Variants in WWTR1 observed in about 807,000 individuals in gnomAD.
WWTR1 encodes the protein WW domain containing transcription regulator 1, also known as WW domain-containing transcription regulator protein 1.
A neutral mutation model predicts 40.1 loss-of-function variants in WWTR1; 13 were observed. That is an observed-to-expected ratio of 0.32 (90% CI 0.21 to 0.52). The LOEUF (loss-of-function observed/expected upper bound fraction) is 0.52, where lower values mean the gene tolerates loss of function less well. Among genes scored for constraint, WWTR1 ranks in the 20% least tolerant of loss-of-function variants. The pLI is 0.97. For missense variants in WWTR1, 436 were observed against 523.1 expected (o/e 0.83, Z 1.63); for synonymous variants, 230 against 210.1 (o/e 1.09, Z -0.82).
intron 4 of WWTR1, among the ~76,000 whole-genome samples, chr3:149,536,812 T>C (rs1002022267): frequency 8.6e-5 from 13 of 151,342 alleles, no homozygotes; most frequent in African/African-American, 2.4e-4. Context: ...CTGAATTTGC[T>C]TTGGGAATAA....
intron 1 of WWTR1, among the ~76,000 whole-genome samples, chr3:149,695,087 T>C (rs926487689): frequency 5.3e-5 from 8 of 152,170 alleles, no homozygotes; most frequent in African/African-American, 1.9e-4. Context: ...TTCTCAATCA[T>C]TTGTGAAAGG....
At chr3:149,687,603 T>C (rs1056495861) in intron 1 of WWTR1, among the ~76,000 whole-genome samples, 50 of 152,246 alleles carry the variant, frequency 3.3e-4, no homozygotes, top group African/African-American at 1.2e-3. Context: ...TTGCAGATGA[T>C]GATATTGAGT....
At chr3:149,704,861 AC>A (rs1449782430), upstream of WWTR1, among the ~76,000 whole-genome samples, 20 of 151,278 alleles carry the variant, frequency 1.3e-4, no homozygotes, top group East Asian at 5.8e-4. Context: ...AAAAAAAAAA[AC>A]AACAACAACA....
chr3:149,521,908 TAG>T (rs1290960364), intron 6 of WWTR1, among the ~76,000 whole-genome samples: 1 of 152,184 alleles, frequency 6.6e-6, no homozygotes, highest in African/African-American at 2.4e-5. Flanking sequence ...TTACAAAAGT[TAG>T]AGTAAAGTGC....
intron 4 of WWTR1, among the ~76,000 whole-genome samples, chr3:149,531,585 C>T (rs1735583500): frequency 6.6e-6 from 1 of 152,048 alleles, no homozygotes; most frequent in African/African-American, 2.4e-5. Context: ...ACTGTTCTAT[C>T]TGCTTGCAAG....
intron 4 of WWTR1, among the ~76,000 whole-genome samples, chr3:149,531,832 T>C (rs1033027244): frequency 2.0e-5 from 3 of 152,224 alleles, no homozygotes; most frequent in Non-Finnish European, 4.4e-5. Flanking sequence ...TGTTCACTCC[T>C]GTACCCAACT....
At chr3:149,573,949 T>C (rs998355972) in intron 2 of WWTR1, among the ~76,000 whole-genome samples, 1 of 151,784 alleles carries the variant, frequency 6.6e-6, no homozygotes, top group Admixed American at 6.6e-5. Flanking sequence ...GTGATATATA[T>C]ATATATATGA....
intron 2 of WWTR1, among the ~76,000 whole-genome samples, chr3:149,620,975 G>T (rs1369836961): frequency 6.6e-6 from 1 of 152,182 alleles, no homozygotes; most frequent in Non-Finnish European, 1.5e-5. Flanking sequence ...CATCATAAAA[G>T]AATCCATGTC....
intron 2 of WWTR1, among the ~76,000 whole-genome samples, chr3:149,582,643 T>C (rs1738207665): frequency 6.6e-6 from 1 of 151,884 alleles, no homozygotes; most frequent in Admixed American, 6.6e-5. Flanking sequence ...AAGCGGAAGA[T>C]TACTTCAGCC....
At chr3:149,635,958 T>C (rs971967192) in intron 2 of WWTR1, among the ~76,000 whole-genome samples, 1 of 152,232 alleles carries the variant, frequency 6.6e-6, no homozygotes, top group Non-Finnish European at 1.5e-5. Context: ...CCCACTTTTC[T>C]GAGATCTGAA....
intron 1 of WWTR1, among the ~76,000 whole-genome samples, chr3:149,688,837 C>A (rs182083195): frequency 1.3e-5 from 2 of 152,054 alleles, no homozygotes; most frequent in East Asian, 1.9e-4. Flanking sequence ...CCGAGACATG[C>A]GACCTTTTAG....
At chr3:149,528,639 A>C (rs557293885) in intron 4 of WWTR1, among the ~76,000 whole-genome samples, 6 of 152,068 alleles carry the variant, frequency 3.9e-5, no homozygotes, top group South Asian at 2.1e-4. Context: ...AAAATACAAA[A>C]ATTAGTTGGG....
chr3:149,711,955 C>T (rs1715487136), intron 5 of WWTR1, among the ~76,000 whole-genome samples: 1 of 152,124 alleles, frequency 6.6e-6, no homozygotes, highest in African/African-American at 2.4e-5. Flanking sequence ...AGTTATCTGC[C>T]TTCCCAACCA....
chr3:149,619,206 C>T (rs16862050), intron 2 of WWTR1, among the ~76,000 whole-genome samples: 4,108 of 152,184 alleles, frequency 0.027, 154 homozygotes, highest in African/African-American at 0.094. Context: ...CTCCTGAAGG[C>T]AATCCTATGA....
intron 1 of WWTR1, among the ~76,000 whole-genome samples, chr3:149,695,525 C>T (rs570742642): frequency 6.6e-6 from 1 of 152,010 alleles, no homozygotes; most frequent in South Asian, 2.1e-4. Context: ...CTTTGGGAGG[C>T]CAAGGCAGGC....
chr3:149,547,514 G>A (rs929305180), intron 3 of WWTR1, among the ~76,000 whole-genome samples: 1 of 151,732 alleles, frequency 6.6e-6, no homozygotes, highest in Non-Finnish European at 1.5e-5. Flanking sequence ...CAACAAGAGC[G>A]AAACTCCAGC....
chr3:149,529,331 T>C (rs1735465718), intron 4 of WWTR1, among the ~76,000 whole-genome samples: 2 of 152,164 alleles, frequency 1.3e-5, no homozygotes, highest in Non-Finnish European at 2.9e-5. Context: ...TCTAGACAAG[T>C]CCTAGTGAAG....
intron 1 of WWTR1, among the ~76,000 whole-genome samples, chr3:149,692,887 G>A (rs1714869534): frequency 6.6e-6 from 1 of 152,010 alleles, no homozygotes. Flanking sequence ...CACCCACCTA[G>A]TCCTCCCAAA....
intron 1 of WWTR1, among the ~76,000 whole-genome samples, chr3:149,684,528 C>T (rs747264813): frequency 1.5e-4 from 23 of 151,852 alleles, no homozygotes; most frequent in Non-Finnish European, 3.1e-4. Context: ...TCTATGTGAT[C>T]CTTCTGATAG....
Sources: allele counts gnomAD v4.1 joint callset (sites outside exome capture counted in the v4.1 genomes callset), GRCh38; gene constraint gnomAD v4.1.1; transcripts MANE v1.5; gene names NCBI Gene and HGNC (gene_info 2026-07-23, HGNC 2026-07-21).